TMEM117: variants seen among roughly 807,000 people sequenced by gnomAD.
The protein encoded by TMEM117 is transmembrane protein 117.
TMEM117 carries 27 observed loss-of-function variants against 52.4 expected under a neutral mutation model. The ratio of observed to expected loss-of-function variants is 0.51; its 90% CI spans 0.38 to 0.71. TMEM117 has a LOEUF of 0.71. Ranked by LOEUF, TMEM117 falls within the 30% of genes least tolerant of loss-of-function variation. The pLI is 0.00. For missense variants in TMEM117, 556 were observed against 630.5 expected, an observed-to-expected ratio of 0.88 and a Z score of 1.26; for synonymous variants, 215 against 206.3, an observed-to-expected ratio of 1.04 and a Z score of -0.36.
chr12:44,287,975 G>C (rs78625045), intron 5 of TMEM117, among the ~76,000 whole-genome samples: 2 of 152,138 alleles, frequency 1.3e-5, no homozygotes, highest in Admixed American at 1.3e-4. Flanking sequence ...CCATATGTCT[G>C]AAATAGTAAT....
chr12:44,075,769 A>T (rs1227593316), intron 3 of TMEM117, among the ~76,000 whole-genome samples: 3 of 152,128 alleles, frequency 2.0e-5, no homozygotes, highest in African/African-American at 4.8e-5. Flanking sequence ...ATAGGGGGGA[A>T]ATTATAGTAC....
At chr12:44,210,568 A>C (rs975630414) in intron 4 of TMEM117, among the ~76,000 whole-genome samples, 12 of 152,184 alleles carry the variant, frequency 7.9e-5, no homozygotes, top group African/African-American at 2.7e-4. Flanking sequence ...AAGGATTTCA[A>C]AGCCTAGTGA....
At chr12:43,970,525 T>G (rs1450120946) in intron 3 of TMEM117, among the ~76,000 whole-genome samples, 3 of 152,162 alleles carry the variant, frequency 2.0e-5, no homozygotes, top group Non-Finnish European at 4.4e-5. Flanking sequence ...CCTGACCTTG[T>G]GATCCGCCTG....
At chr12:43,932,328 T>G (rs1163804926) in intron 2 of TMEM117, among the ~76,000 whole-genome samples, 1 of 149,584 alleles carries the variant, frequency 6.7e-6, no homozygotes, top group East Asian at 2.0e-4. Context: ...TTTGATTTCA[T>G]TAAATAAGTT....
At chr12:44,351,419 A>G (rs1951560447) in intron 6 of TMEM117, among the ~76,000 whole-genome samples, 1 of 151,914 alleles carries the variant, frequency 6.6e-6, no homozygotes. Context: ...GTATTGCTCA[A>G]GAAAATTTTT....
At chr12:44,362,258 A>T (rs1397011544) in intron 6 of TMEM117, among the ~76,000 whole-genome samples, 7 of 152,058 alleles carry the variant, frequency 4.6e-5, no homozygotes, top group Non-Finnish European at 7.4e-5. Flanking sequence ...TTGCAACCAT[A>T]GCTCATATCA....
chr12:43,915,429 C>T (rs1944584687), intron 2 of TMEM117, among the ~76,000 whole-genome samples: 1 of 152,158 alleles, frequency 6.6e-6, no homozygotes, highest in Admixed American at 6.5e-5. Flanking sequence ...TCTAGAGCTT[C>T]ATTACCCTTT....
Position 44,170,046 on chromosome 12 carries a change from A to G in TMEM117, c.510+26422A>G, listed in dbSNP as rs111995630. ...ATAGCAAAGACTTGGAACCAACCCA[A>G]ATGCCCATCAATGATAGAATGGATT... On this transcript the variant is annotated intron_variant, in intron 4 of 7. Coordinates refer to ENST00000266534, the MANE Select transcript of TMEM117 (RefSeq NM_032256.3). Among the ~76,000 whole-genome samples the G allele has an allele frequency of 8.9e-4, 136 of 152,236 alleles. 2 individuals are homozygous for G. Among genetic ancestry groups the G allele is most frequent in the African/African-American group, 3.0e-3 (126 of 41,536 alleles).
chr12:44,106,482 A>G (rs1389949715), intron 3 of TMEM117, among the ~76,000 whole-genome samples: 2 of 152,114 alleles, frequency 1.3e-5, no homozygotes, highest in African/African-American at 4.8e-5. Context: ...ACTTTGAATA[A>G]CAATTATATA....
chr12:43,886,578 G>A (rs567126941), intron 2 of TMEM117, among the ~76,000 whole-genome samples: 175 of 152,156 alleles, frequency 1.2e-3, no homozygotes, highest in African/African-American at 4.0e-3. Flanking sequence ...AATTTGAGGG[G>A]GACATAGGTT....
At chr12:44,283,966 A>G (rs574514869) in intron 5 of TMEM117, among the ~76,000 whole-genome samples, 2 of 152,238 alleles carry the variant, frequency 1.3e-5, no homozygotes, top group South Asian at 2.1e-4. Flanking sequence ...TGATGTGTTT[A>G]TCAGGGTTTC....
the TMEM117 span, chr12:43,804,638 G>A: frequency 8.8e-7 from 1 of 1,131,490 alleles, no homozygotes; most frequent in Non-Finnish European, 1.3e-6. Flanking sequence ...TATCTATATT[G>A]GAAAAGTTAA....
chr12:43,928,632 T>C (rs1005203350), intron 2 of TMEM117, among the ~76,000 whole-genome samples: 2 of 152,056 alleles, frequency 1.3e-5, no homozygotes, highest in African/African-American at 2.4e-5. Flanking sequence ...TTAGGGTACA[T>C]GTGCACAATG....
intron 4 of TMEM117, among the ~76,000 whole-genome samples, chr12:44,155,311 GGACTGT>G (rs774198887): frequency 4.6e-5 from 7 of 151,914 alleles, no homozygotes; most frequent in Non-Finnish European, 1.0e-4. Context: ...AGTAAACATT[GGACTGT>G]ATTAAATATG....
At chr12:44,232,282 A>G (rs1460767134) in intron 5 of TMEM117, among the ~76,000 whole-genome samples, 15 of 151,564 alleles carry the variant, frequency 9.9e-5, no homozygotes, top group Admixed American at 9.9e-4. Context: ...CTACAATCCA[A>G]CTGGTGTTAA....
chr12:44,249,656 G>A (rs1950173923), intron 5 of TMEM117, among the ~76,000 whole-genome samples: 1 of 152,066 alleles, frequency 6.6e-6, no homozygotes. Flanking sequence ...ATAGATCAAT[G>A]GAACTGAACA....
At chr12:44,259,827 T>C (rs1203961551) in intron 5 of TMEM117, among the ~76,000 whole-genome samples, 1 of 152,220 alleles carries the variant, frequency 6.6e-6, no homozygotes, top group Non-Finnish European at 1.5e-5. Context: ...CGTTATAAAA[T>C]TATTTGTAAC....
At chr12:44,336,317 A>C (rs2138738117) in intron 6 of TMEM117, among the ~76,000 whole-genome samples, 1 of 152,152 alleles carries the variant, frequency 6.6e-6, no homozygotes, top group Admixed American at 6.6e-5. Context: ...TAAAATAGGA[A>C]AATAAAAAAG....
chr12:44,107,576 A>AG (rs1350382923), intron 3 of TMEM117, among the ~76,000 whole-genome samples: 1 of 152,140 alleles, frequency 6.6e-6, no homozygotes, highest in African/African-American at 2.4e-5. Flanking sequence ...AATGTTAAAA[A>AG]TTAACATATA....
Sources: allele counts gnomAD v4.1 joint callset (sites outside exome capture counted in the v4.1 genomes callset), GRCh38; gene constraint gnomAD v4.1.1; transcripts MANE v1.5; gene names NCBI Gene and HGNC (gene_info 2026-07-23, HGNC 2026-07-21).